TOP3A: variants seen among roughly 807,000 people sequenced by gnomAD.
The protein encoded by TOP3A is DNA topoisomerase III alpha, also known as DNA topoisomerase 3-alpha.
Under a neutral mutation model 111.3 loss-of-function variants are expected in TOP3A, and 64 were observed. The ratio of observed to expected loss-of-function variants is 0.57; its 90% CI spans 0.47 to 0.71. The LOEUF (loss-of-function observed/expected upper bound fraction) is 0.71, where lower values mean the gene tolerates loss of function less well. Ranked by LOEUF, TOP3A falls within the 30% of genes least tolerant of loss-of-function variation. The pLI is 0.00. For synonymous variants in TOP3A, 484 were observed against 485.1 expected (o/e 1.00, Z 0.03); for missense variants, 1,104 against 1,285.0 (o/e 0.86, Z 2.15).
In TOP3A at chr17:18,291,947, C is replaced by T. The variant is rs1040927328; in HGVS notation, c.1281+698G>A. Among the ~76,000 whole-genome samples, 8 of 152,122 alleles carry T rather than the reference C, an allele frequency of 5.3e-5. No homozygotes were observed. The East Asian group carries it at 1.2e-3, about 22-fold the overall frequency. ...CAAGATGGTCTCAATTTCCTGACCT[C>T]GTGATCTACCCGCCTTGTCCTCCCA... On this transcript the variant is annotated intron_variant, in intron 11 of 18. Coordinates refer to ENST00000321105, the MANE Select transcript of TOP3A (RefSeq NM_004618.5).
chr17:18,277,657 T>G lies in TOP3A; in HGVS notation c.2827+18A>C. The G allele has an allele frequency of 6.3e-7, 1 of 1,591,064 alleles. No individual in the cohort carries two copies. The highest frequency in any genetic ancestry group is 8.6e-7 in the Non-Finnish European group (1 of 1,163,006). On this transcript the variant is annotated intron_variant, in intron 18 of 18. Transcript: ENST00000321105. ...TGAAAACTGAAGGCAGGGATTCCCA[T>G]GCCCCTCCCTGCCTCACCTGGAGCG...
chr17:18,273,601 A>G lies in TOP3A; in HGVS notation c.*1201T>C, dbSNP rs1052706640. On this transcript the variant is annotated 3_prime_UTR_variant, in exon 19 of 19. Coordinates refer to ENST00000321105, the MANE Select transcript of TOP3A (RefSeq NM_004618.5). ...TTCCCCAGACCCTCTGCACTCTCGCAGGTCAGAGTAAAAAAAGGTTGGATT... is the reference window on the plus strand; with the variant it reads ...TTCCCCAGACCCTCTGCACTCTCGCGGGTCAGAGTAAAAAAAGGTTGGATT... 1.3e-4 allele frequency among the ~76,000 whole-genome samples: 20 copies of G among 152,192 alleles called. No homozygotes were observed. The highest frequency in any genetic ancestry group is 1.3e-3 in the Admixed American group (20 of 15,298).
At position 18,290,885 on chromosome 17, in the gene TOP3A, C is replaced by A; in HGVS notation, c.1424G>T (p.Arg475Leu). The stretch of plus-strand genomic sequence containing the variant: ...ATATGGATACACATCCAGATAGTTT[C>A]GGGCCAGAATCATGAGGCCATGGGC... ...FVAHGLMILA[R>L]NYLDVYPYDH... Residue 475 changes from arginine to leucine, a missense_variant, in exon 12 of 19, where the codon CGA (arginine) becomes CTA (leucine). Transcript: ENST00000321105. 5 of 1,614,200 alleles carry A rather than the reference C, an allele frequency of 3.1e-6. No individual in the cohort carries two copies. Among genetic ancestry groups the A allele is most frequent in the Non-Finnish European group, 3.4e-6 (4 of 1,180,050 alleles).
At position 18,314,600 on chromosome 17, in the gene TOP3A, C is replaced by T. The variant is rs1418041221; in HGVS notation, c.179G>A (p.Arg60Gln). Residue 60 changes from arginine (R) to glutamine (Q), a missense_variant and splice_region_variant, in exon 1 of 19, where the codon CGG becomes CAG. Coordinates refer to ENST00000321105, the MANE Select transcript of TOP3A (RefSeq NM_004618.5). Reference sequence around the variant, plus strand: ...GCTGATCGGAACGCGCTTTCTTACCCGCCTCATGCGACCGTTTGACAGCAG... The same window carrying T: ...GCTGATCGGAACGCGCTTTCTTACCTGCCTCATGCGACCGTTTGACAGCAG... ...ADLLSNGRMR[R>Q]REGLSKFNKI... 6.2e-7 allele frequency: 1 copy of T among 1,609,680 alleles called. No individual in the cohort carries two copies. Among genetic ancestry groups the T allele is most frequent in the Admixed American group, 1.7e-5 (1 of 59,652 alleles).
chr17:18,277,077 G>A (rs1328060699), intron 18 of TOP3A, among the ~76,000 whole-genome samples: 2 of 151,840 alleles, frequency 1.3e-5, no homozygotes, highest in East Asian at 3.9e-4. Flanking sequence ...CCAGCTACCT[G>A]GGAGGCTGAG....
chr17:18,279,752 A>T (rs1334821255), intron 17 of TOP3A, among the ~76,000 whole-genome samples: 2 of 152,040 alleles, frequency 1.3e-5, no homozygotes, highest in African/African-American at 4.8e-5. Flanking sequence ...CAGTGGTGAA[A>T]TCATGGCTCA....
chr17:18,274,804 ATCTGT>A lies in TOP3A; in HGVS notation c.2999_3003del (p.Asn1000MetfsTer5), dbSNP rs770056993. The A allele has an allele frequency of 1.3e-5, 21 of 1,613,486 alleles. No homozygotes were observed. In the Admixed American group the frequency reaches 2.3e-4, roughly 18 times the overall value. On this transcript the variant is annotated frameshift_variant, in exon 19 of 19. Transcript: ENST00000321105. LOFTEE classifies it high-confidence loss of function. ...GCGTTCTCTACCCTACCCTGAGCTCATCTGTTCTGAGGACAAAAGGGACGGGTGTG... is the reference window on the plus strand; with the variant it reads ...GCGTTCTCTACCCTACCCTGAGCTCATCTGAGGACAAAAGGGACGGGTGTG...
In TOP3A at chr17:18,285,390, G is replaced by T. The variant is rs777626657; in HGVS notation, c.1711+17C>A. The T allele has an allele frequency of 6.2e-7, 1 of 1,613,864 alleles. No individual in the cohort carries two copies. Among genetic ancestry groups the T allele is most frequent in the Non-Finnish European group, 8.5e-7 (1 of 1,179,888 alleles). On this transcript the variant is annotated intron_variant, in intron 14 of 18. Coordinates refer to ENST00000321105, the MANE Select transcript of TOP3A (RefSeq NM_004618.5). ...CGACACCACCCACTACCCACTGCAA[G>T]CTCTGTCCTCCCTTACCTTCCACAA...
rs767336690 is a variant in TOP3A, at chr17:18,292,863, G to A, written c.1074-11C>T. The A allele has an allele frequency of 3.8e-6, 6 of 1,598,310 alleles. No individual in the cohort carries two copies. The African/African-American group carries it at 6.7e-5, about 18-fold the overall frequency. On this transcript the variant is annotated splice_polypyrimidine_tract_variant and intron_variant, in intron 10 of 18. Coordinates refer to ENST00000321105, the MANE Select transcript of TOP3A (RefSeq NM_004618.5). The stretch of plus-strand genomic sequence containing the variant: ...GGATAGCTGATGTACCTAAAACCAA[G>A]GCAAACAAACAGAAAAAGAAATTGC...
chr17:18,302,266 T>G lies in TOP3A; in HGVS notation c.812A>C (p.Lys271Thr), dbSNP rs1253310374. The change falls in exon 7 of 19, where the codon AAA becomes ACA. Residue 271 changes from lysine (K) to threonine (T), a missense_variant and splice_region_variant. Physicochemically the swap from Lys to Thr is moderately conservative, Grantham distance 78. Coordinates refer to ENST00000321105, the MANE Select transcript of TOP3A (RefSeq NM_004618.5). Reference protein sequence around the residue: ...AFVPEIFHRIKVTHDHKDGIV... With the variant: ...AFVPEIFHRITVTHDHKDGIV... ...ATAACACCCACTCCAGGCCCTACCT[T>G]TAATTCTGTGGAAGATTTCTGGTAC... 5 of 1,608,588 alleles carry G rather than the reference T, an allele frequency of 3.1e-6. No homozygotes were observed. Among genetic ancestry groups the G allele is most frequent in the Non-Finnish European group, 4.2e-6 (5 of 1,178,188 alleles).
chr17:18,282,995 T>A (rs1157815440), intron 15 of TOP3A, among the ~76,000 whole-genome samples, 154 bp from the exon 16 acceptor site: 2 of 152,206 alleles, frequency 1.3e-5, no homozygotes, highest in Non-Finnish European at 2.9e-5. Context: ...GACAGAAGAC[T>A]GAGCTCACCA....
At chr17:18,304,242 G>A (rs1597983657) in intron 5 of TOP3A, among the ~76,000 whole-genome samples, 1 of 152,266 alleles carries the variant, frequency 6.6e-6, no homozygotes, top group East Asian at 1.9e-4. Flanking sequence ...TGGGATTACA[G>A]GCATGAGCCA....
Position 18,277,659 on chromosome 17 carries a change from C to T in TOP3A, c.2827+16G>A. 1 of 1,591,062 alleles carries T rather than the reference C, an allele frequency of 6.3e-7. No homozygotes were observed. The highest frequency in any genetic ancestry group is 1.3e-5 in the African/African-American group (1 of 74,690). ...AAAACTGAAGGCAGGGATTCCCATGCCCCTCCCTGCCTCACCTGGAGCGGT... is the reference window on the plus strand; with the variant it reads ...AAAACTGAAGGCAGGGATTCCCATGTCCCTCCCTGCCTCACCTGGAGCGGT... On this transcript the variant is annotated intron_variant, in intron 18 of 18. Transcript: ENST00000321105.
At chr17:18,304,847 A>C (rs1981455870) in intron 5 of TOP3A, among the ~76,000 whole-genome samples, 1 of 152,118 alleles carries the variant, frequency 6.6e-6, no homozygotes, top group African/African-American at 2.4e-5. Context: ...CCTGGGCTAA[A>C]TGGTTTACAC....
chr17:18,291,734 G>C (rs569374302), intron 11 of TOP3A, among the ~76,000 whole-genome samples: 1 of 146,296 alleles, frequency 6.8e-6, no homozygotes, highest in Non-Finnish European at 1.5e-5. Flanking sequence ...TTTTTTTTCC[G>C]AGACAGAGTC....
Position 18,274,308 on chromosome 17 carries a change from C to G in TOP3A, c.*494G>C, listed in dbSNP as rs1009326094. ...AGATTAAGAGGGAATGAAGCTTCTT[C>G]TGAAGGATCAGTGTTACCACAGCCA... On this transcript the variant is annotated 3_prime_UTR_variant, in exon 19 of 19. Coordinates refer to ENST00000321105, the MANE Select transcript of TOP3A (RefSeq NM_004618.5). 4 of 152,530 alleles carry G rather than the reference C, an allele frequency of 2.6e-5. No individual in the cohort carries two copies. Among genetic ancestry groups the G allele is most frequent in the African/African-American group, 9.6e-5 (4 of 41,466 alleles). The allele number at this position is 152,530 out of a possible 1,614,324, so 9.4% of individuals were successfully genotyped here.
intron 13 of TOP3A, among the ~76,000 whole-genome samples, chr17:18,286,775 T>C (rs1424888304): frequency 1.3e-5 from 2 of 152,056 alleles, no homozygotes; most frequent in Non-Finnish European, 2.9e-5. Context: ...AAAACACATA[T>C]CCACACAAAA....
chr17:18,299,078 T>TAA (rs142107805), intron 9 of TOP3A, among the ~76,000 whole-genome samples: 2 of 140,122 alleles, frequency 1.4e-5, no homozygotes, highest in Non-Finnish European at 3.1e-5. Flanking sequence ...AAATTAAAAT[T>TAA]AAAAAAAAAA....
chr17:18,303,884 C>T (rs529220103), intron 5 of TOP3A, among the ~76,000 whole-genome samples: 69 of 152,276 alleles, frequency 4.5e-4, no homozygotes, highest in African/African-American at 1.6e-3. Flanking sequence ...TTTTCTCAGT[C>T]TCTCGTCTCC....
Sources: allele counts gnomAD v4.1 joint callset (sites outside exome capture counted in the v4.1 genomes callset), GRCh38; gene constraint gnomAD v4.1.1; transcripts MANE v1.5; gene names NCBI Gene and HGNC (gene_info 2026-07-23, HGNC 2026-07-21).